The following TMC6 variants were observed in gnomAD, a reference collection of about 807,000 sequenced individuals.
TMC6 encodes the protein transmembrane channel like 6.
A neutral mutation model predicts 95.4 loss-of-function variants in TMC6; 71 were observed. The ratio of observed to expected loss-of-function variants is 0.74; its 90% CI spans 0.61 to 0.91. The LOEUF (loss-of-function observed/expected upper bound fraction) is 0.91. Ranked by LOEUF, TMC6 falls within the 40% of genes least tolerant of loss-of-function variation. The probability of loss-of-function intolerance (pLI) is 0.00; values close to 1 mark genes in which losing one functional copy is unlikely to be tolerated. For missense variants in TMC6, 1,074 were observed against 1,079.1 expected, an observed-to-expected ratio of 1.00 and a Z score of 0.07; for synonymous variants, 514 against 483.1, an observed-to-expected ratio of 1.06 and a Z score of -0.84.
Position 78,110,588 on chromosome 17 carries a change from C to T in TMC6, c.*2560G>A, listed in dbSNP as rs2073805984. The stretch of plus-strand genomic sequence containing the variant: ...AAGTACCAGTGTTTTTAAAACCTCC[C>T]TGGTAGATTCCGTTGTGCAGCCCAG... On this transcript the variant is annotated 3_prime_UTR_variant, in exon 20 of 20. Coordinates refer to ENST00000590602, the MANE Select transcript of TMC6 (RefSeq NM_001127198.5). The T allele has an allele frequency of 6.6e-6, 1 of 152,228 alleles. No individual in the cohort carries two copies. Among genetic ancestry groups the T allele is most frequent in the African/African-American group, 2.4e-5 (1 of 41,456 alleles). The allele number at this position is 152,228 out of a possible 1,614,324, so 9.4% of individuals were successfully genotyped here. A position where few individuals can be genotyped will look rare whatever the true frequency, so the allele number is the denominator to read the frequency against.
At position 78,117,342 on chromosome 17, in the gene TMC6, A is replaced by G; in HGVS notation, c.2204T>C (p.Val735Ala). The change falls in exon 18 of 20, where the codon GTG becomes GCG. Residue 735 changes from valine to alanine, a missense_variant. Physicochemically the swap from Val to Ala is moderately conservative, Grantham distance 64. Coordinates refer to ENST00000590602, the MANE Select transcript of TMC6 (RefSeq NM_001127198.5). The stretch of plus-strand genomic sequence containing the variant: ...CACCACCTGGATGTTGAGGTAGATC[A>G]CGGCCCTGCGGGAGAGGGGCTGTCG... ...VFLVSALLLA[V>A]IYLNIQVVRG... 2 of 1,613,112 alleles carry G rather than the reference A, an allele frequency of 1.2e-6. No individual in the cohort carries two copies. Among genetic ancestry groups the G allele is most frequent in the South Asian group, 2.2e-5 (2 of 91,060 alleles).
rs1239482428 is a variant in TMC6 at position 78,109,706 on chromosome 17, G to C, written c.*3442C>G. Reference sequence around the variant, plus strand: ...ATGCATGCGTTTGTGACAGCCTGGTGCTCGGATGGGCCCAGAGCAGGGGTT... The same window carrying C: ...ATGCATGCGTTTGTGACAGCCTGGTCCTCGGATGGGCCCAGAGCAGGGGTT... On this transcript the variant is annotated 3_prime_UTR_variant, in exon 20 of 20. Coordinates refer to ENST00000590602, the MANE Select transcript of TMC6 (RefSeq NM_001127198.5). 2 of 377,690 alleles carry C rather than the reference G, an allele frequency of 5.3e-6. No individual in the cohort carries two copies. Among genetic ancestry groups the C allele is most frequent in the East Asian group, 1.5e-4 (2 of 13,704 alleles). 23.4% of individuals were successfully genotyped at this position (377,690 alleles called of 1,614,324 possible).
At chr17:78,114,056 C>A (rs1229156607) in intron 18 of TMC6, 1 of 304,376 alleles carries the variant, frequency 3.3e-6, no homozygotes, top group Non-Finnish European at 6.4e-6. Context: ...CTTAAAACAC[C>A]ACCGGTTTCT....
intron 9 of TMC6, among the ~76,000 whole-genome samples, chr17:78,123,601 GTGAATGGA>G (rs1309987313): frequency 8.8e-6 from 1 of 113,402 alleles, no homozygotes; most frequent in Middle Eastern, 6.2e-3. Context: ...GGATGGGTGG[GTGAATGGA>G]TGAATGGGTG....
chr17:78,108,680 C>T lies in TMC6; in HGVS notation c.*4468G>A, dbSNP rs1223732383. The T allele has an allele frequency of 1.3e-5, 2 of 154,622 alleles. No individual in the cohort carries two copies. The highest frequency in any genetic ancestry group is 1.9e-4 in the East Asian group (1 of 5,180). The allele number at this position is 154,622 out of a possible 1,614,324, so 9.6% of individuals were successfully genotyped here. ...GCTAAAGCCCTGTGTAGGGACCCCA[C>T]GCAAAGACCTCGTGGGCCTGGGTGT... On this transcript the variant is annotated 3_prime_UTR_variant, in exon 20 of 20. Transcript: ENST00000590602.
chr17:78,118,265 G>A (rs1391669519), intron 15 of TMC6: 11 of 429,704 alleles, frequency 2.6e-5, no homozygotes, highest in Non-Finnish European at 3.9e-5. Context: ...GACGAGACAG[G>A]AGCCAGGATG....
rs983351172 is a variant in TMC6, at chr17:78,112,804, C to G, written c.*344G>C. 1 of 393,668 alleles carries G rather than the reference C, an allele frequency of 2.5e-6. No individual in the cohort carries two copies. Among genetic ancestry groups the G allele is most frequent in the Admixed American group, 4.3e-5 (1 of 23,020 alleles). 24.4% of individuals were successfully genotyped at this position (393,668 alleles called of 1,614,324 possible). A position where few individuals can be genotyped will look rare whatever the true frequency, so the allele number is the denominator to read the frequency against. ...CATCTGGGGCTTGGCCAGCAGAGGG[C>G]GCCCCCACTCCAGCTGAGGTTCCCA... On this transcript the variant is annotated 3_prime_UTR_variant, in exon 20 of 20. Transcript: ENST00000590602.
Position 78,112,890 on chromosome 17 carries a change from T to A in TMC6, c.*258A>T. ...AGCGGGAAGCAGGCCCCGGGTGTGGTCACAGACACAGAGCCCCAAGGGACA... is the reference window on the plus strand; with the variant it reads ...AGCGGGAAGCAGGCCCCGGGTGTGGACACAGACACAGAGCCCCAAGGGACA... On this transcript the variant is annotated 3_prime_UTR_variant, in exon 20 of 20. Transcript: ENST00000590602. 1.9e-6 allele frequency: 1 copy of A among 537,438 alleles called. No homozygotes were observed. Among genetic ancestry groups the A allele is most frequent in the Non-Finnish European group, 3.3e-6 (1 of 303,558 alleles). The allele number at this position is 537,438 out of a possible 1,614,324, so 33.3% of individuals were successfully genotyped here.
In TMC6 at chr17:78,121,650, T is replaced by C; in HGVS notation, c.1289A>G (p.Gln430Arg). The change falls in exon 11 of 20, where the codon CAG becomes CGG. Residue 430 changes from glutamine to arginine, a missense_variant. Coordinates refer to ENST00000590602, the MANE Select transcript of TMC6 (RefSeq NM_001127198.5). The surrounding 1 kb of genome is among the most constrained non-coding windows in gnomAD (Gnocchi z 5.6). ...CCACACAAGCCCCAGCACAGCCGCC[T>C]GCCGCAGCCTCCCGCACACGCTCCT... ...SPRSVCGRLR[Q>R]AAVLGLVWLL... 1 of 1,606,382 alleles carries C rather than the reference T, an allele frequency of 6.2e-7. No homozygotes were observed. Among genetic ancestry groups the C allele is most frequent in the Non-Finnish European group, 8.5e-7 (1 of 1,177,982 alleles).
chr17:78,125,039 C>A, intron 6 of TMC6, 54 bp from the exon 7 acceptor site: 1 of 1,545,528 alleles, frequency 6.5e-7, no homozygotes. Context: ...CTGACTCTCT[C>A]CTTCCTGGAG....
In TMC6 at chr17:78,111,653, A is replaced by G. The variant is rs2073826831; in HGVS notation, c.*1495T>C. The G allele has an allele frequency of 6.5e-6, 1 of 152,880 alleles. No individual in the cohort carries two copies. Among genetic ancestry groups the G allele is most frequent in the African/African-American group, 2.4e-5 (1 of 41,482 alleles). The allele number at this position is 152,880 out of a possible 1,614,324, so 9.5% of individuals were successfully genotyped here. On this transcript the variant is annotated 3_prime_UTR_variant, in exon 20 of 20. Coordinates refer to ENST00000590602, the MANE Select transcript of TMC6 (RefSeq NM_001127198.5). Reference sequence around the variant, plus strand: ...GCCAACTCTGTCGGGCCCCTGTGGCAGCACCCAGATGTCTGCAGAGCACAG... The same window carrying G: ...GCCAACTCTGTCGGGCCCCTGTGGCGGCACCCAGATGTCTGCAGAGCACAG...
At chr17:78,131,136 C>T (rs1380698704), upstream of TMC6, 2 of 240,982 alleles carry the variant, frequency 8.3e-6, no homozygotes, top group East Asian at 2.7e-4. Flanking sequence ...CAAACTGCCA[C>T]GTGGAGAAGA....
At position 78,124,785 on chromosome 17, in the gene TMC6, C is replaced by T. The variant is rs376851783; in HGVS notation, c.634-4G>A. 111 of 1,579,732 alleles carry T rather than the reference C, an allele frequency of 7.0e-5. No individual in the cohort carries two copies. In the African/African-American group the frequency reaches 1.0e-3, roughly 14 times the overall value. ...CCAGGCCCAGGCTGTGCAAGGCCTG[C>T]GGGCACAGGCAGAGAGGCCCTGAGG... On this transcript the variant is annotated splice_region_variant and splice_polypyrimidine_tract_variant and intron_variant, in intron 7 of 19. Transcript: ENST00000590602.
upstream of TMC6, chr17:78,131,233 C>A (rs2074956132): frequency 1.5e-5 from 6 of 407,284 alleles, no homozygotes; most frequent in Non-Finnish European, 2.3e-5. Context: ...TTTGCCTGTG[C>A]CGGTCCAGAC....
chr17:78,124,248 C>A, intron 8 of TMC6, 69 bp from the exon 9 acceptor site: 1 of 1,585,228 alleles, frequency 6.3e-7, no homozygotes, highest in East Asian at 2.2e-5. Context: ...GGCCTGACAG[C>A]CACAGGGGCA....
chr17:78,126,991 A>AATG, intron 1 of TMC6, 85 bp from the exon 2 acceptor site: 2 of 844,594 alleles, frequency 2.4e-6, no homozygotes, highest in Non-Finnish European at 3.8e-6. Flanking sequence ...GAACCACAGG[A>AATG]GGTGCCACTC....
chr17:78,120,057 A>G, intron 13 of TMC6: 1 of 379,828 alleles, frequency 2.6e-6, no homozygotes, highest in South Asian at 2.0e-5. Context: ...ACAGCGGAAT[A>G]CCTGGAACAT....
Position 78,121,008 on chromosome 17 carries a change from C to T in TMC6, c.1535+5G>A. The T allele has an allele frequency of 6.2e-7, 1 of 1,613,368 alleles. No individual in the cohort carries two copies. Among genetic ancestry groups the T allele is most frequent in the South Asian group, 1.1e-5 (1 of 91,092 alleles). Reference sequence around the variant, plus strand: ...CAAATGATGTTTTCATGTGCGGCCACACACCTGCAGATGGCCACGTACACC... The same window carrying T: ...CAAATGATGTTTTCATGTGCGGCCATACACCTGCAGATGGCCACGTACACC... On this transcript the variant is annotated splice_donor_5th_base_variant and intron_variant, in intron 12 of 19. Coordinates refer to ENST00000590602, the MANE Select transcript of TMC6 (RefSeq NM_001127198.5). The surrounding 1 kb of genome is among the most constrained non-coding windows in gnomAD (Gnocchi z 5.6).
intron 17 of TMC6, 44 bp downstream of exon 17, chr17:78,117,424 G>C: frequency 6.2e-7 from 1 of 1,611,054 alleles, no homozygotes; most frequent in Non-Finnish European, 8.5e-7. Context: ...TGCAGGCCCA[G>C]CGAGGGCCAT....
Sources: gnomAD v4.1 joint callset for allele counts (sites outside exome capture counted in the v4.1 genomes callset) on GRCh38, gnomAD v4.1.1 for gene constraint, Gnocchi (gnomAD v3.1) non-coding constraint, MANE v1.5 for transcripts, NCBI Gene and HGNC (gene_info 2026-07-23, HGNC 2026-07-21) for gene names.